FGFRL1: variants seen among roughly 807,000 people sequenced by gnomAD.
FGFRL1 encodes the protein fibroblast growth factor receptor-like 1.
Under a neutral mutation model 36.8 loss-of-function variants are expected in FGFRL1, and 24 were observed. That is an observed-to-expected ratio of 0.65 (90% CI 0.47 to 0.92). The LOEUF (loss-of-function observed/expected upper bound fraction) is 0.92. Ranked by LOEUF, FGFRL1 falls within the 40% of genes least tolerant of loss-of-function variation. The probability of loss-of-function intolerance (pLI) is 0.00; values close to 1 mark genes in which losing one functional copy is unlikely to be tolerated. For synonymous variants in FGFRL1, 422 were observed against 344.1 expected, an observed-to-expected ratio of 1.23 and a Z score of -2.50; for missense variants, 785 against 753.4, an observed-to-expected ratio of 1.04 and a Z score of -0.49.
At chr4:1,017,321 G>A (rs1715941994) in intron 2 of FGFRL1, among the ~76,000 whole-genome samples, 1 of 152,168 alleles carries the variant, frequency 6.6e-6, no homozygotes, top group Non-Finnish European at 1.5e-5. Context: ...CCTCCATGCG[G>A]GAACTTGGGT....
At chr4:1,018,735 G>C (rs957885434) in intron 2 of FGFRL1, among the ~76,000 whole-genome samples, 4 of 152,204 alleles carry the variant, frequency 2.6e-5, no homozygotes, top group Admixed American at 6.5e-5. Flanking sequence ...TTCCCCATAG[G>C]CTGCGTGGGT....
At chr4:1,020,697 T>A (rs1316980666) in intron 2 of FGFRL1, among the ~76,000 whole-genome samples, 5 of 5,592 alleles carry the variant, frequency 8.9e-4, no homozygotes, top group Non-Finnish European at 1.0e-3. Flanking sequence ...AATGGGGCGA[T>A]GGGGCGGGGT....
intron 1 of FGFRL1, 74 bp from the exon 2 acceptor site, chr4:1,012,396 C>T: frequency 6.5e-7 from 1 of 1,540,022 alleles, no homozygotes; most frequent in Non-Finnish European, 8.7e-7. Flanking sequence ...ACCCCTGATC[C>T]CCGCGGCCCG....
Position 1,024,465 on chromosome 4 carries a change from C to T in FGFRL1, c.873C>T (p.Arg291=), listed in dbSNP as rs767391975. The change falls in exon 6 of 7, where the codon CGC becomes CGT. Residue 291 remains arginine, a synonymous_variant. Coordinates refer to ENST00000510644, the MANE Select transcript of FGFRL1 (RefSeq NM_001004356.3). ...GCGTGGAGTACGGCGCCGAGGGCCGCCACAACTCCACCATCGATGTGGGCG... is the reference window on the plus strand; with the variant it reads ...GCGTGGAGTACGGCGCCGAGGGCCGTCACAACTCCACCATCGATGTGGGCG... The part of the protein sequence containing the change: ...LKRVEYGAEG[R]HNSTIDVGGQ... 1.2e-5 allele frequency: 19 copies of T among 1,612,412 alleles called. No individual in the cohort carries two copies. The highest frequency in any genetic ancestry group is 1.6e-5 in the Non-Finnish European group (19 of 1,179,848).
At chr4:1,020,670 T>C (rs1425928747) in intron 2 of FGFRL1, among the ~76,000 whole-genome samples, 5 of 33,074 alleles carry the variant, frequency 1.5e-4, no homozygotes, top group African/African-American at 1.3e-4. Context: ...GGGGATGGGG[T>C]GGGGACCCAG....
chr4:1,022,875 G>A (rs1716274741), intron 3 of FGFRL1, among the ~76,000 whole-genome samples: 1 of 152,224 alleles, frequency 6.6e-6, no homozygotes, highest in Non-Finnish European at 1.5e-5. Context: ...TTCTGCGCCT[G>A]GGGCCCGGGC....
rs140852364 is a variant in FGFRL1, at chr4:1,023,884, C to T, written c.501C>T (p.Ser167=). The T allele has an allele frequency of 2.2e-3, 3,443 of 1,581,720 alleles. 69 individuals carry two copies. In the African/African-American group the frequency reaches 0.036, roughly 17 times the overall value. ...TGATCGCACGGCCCGTGGGTAGCTC[C>T]GTGCGGCTCAAGTGCGTGGCCAGCG... ...RRVIARPVGS[S]VRLKCVASGH... Residue 167 remains serine, a synonymous_variant, in exon 5 of 7, where the codon TCC becomes TCT. Coordinates refer to ENST00000510644, the MANE Select transcript of FGFRL1 (RefSeq NM_001004356.3). The surrounding 1 kb of genome is among the most constrained non-coding windows in gnomAD (Gnocchi z 6.0).
At chr4:1,012,261 G>A in intron 1 of FGFRL1, 1 of 508,222 alleles carries the variant, frequency 2.0e-6, no homozygotes, top group Non-Finnish European at 3.4e-6. Flanking sequence ...GGAGAGGGGG[G>A]GCGGCGGGGG....
At chr4:1,010,600 A>T (rs777982497), upstream of FGFRL1, among the ~76,000 whole-genome samples, 1 of 151,864 alleles carries the variant, frequency 6.6e-6, no homozygotes, top group Non-Finnish European at 1.5e-5. Flanking sequence ...GGGATGGAGG[A>T]GGTGCTGGGA....
rs371631827 is a variant in FGFRL1 at position 1,022,421 on chromosome 4, A to G, written c.298A>G (p.Lys100Glu). 8.1e-6 allele frequency: 13 copies of G among 1,611,258 alleles called. No individual in the cohort carries two copies. The African/African-American group carries it at 1.7e-4, about 22-fold the overall frequency. ...EREDAGVYVCKATNGFGSLSV... is the reference protein window; with the variant it reads ...EREDAGVYVCEATNGFGSLSV... ...GGAGGATGCCGGCGTGTACGTGTGC[A>G]AGGCCACCAACGGCTTCGGCAGCCT... The change falls in exon 3 of 7, where the codon AAG (lysine) becomes GAG (glutamate). Residue 100 changes from lysine to glutamate, a missense_variant. Physicochemically the swap from Lys to Glu is moderately conservative, Grantham distance 56. Coordinates refer to ENST00000510644, the MANE Select transcript of FGFRL1 (RefSeq NM_001004356.3).
Position 1,024,159 on chromosome 4 carries a change from G to A in FGFRL1, c.718+58G>A, listed in dbSNP as rs1716364185. On this transcript the variant is annotated intron_variant, in intron 5 of 6. Transcript: ENST00000510644. The stretch of plus-strand genomic sequence containing the variant: ...GGTGCTGGTGGGCGGGGGCGCTGGC[G>A]GGCGGGGGTGCTGGTGGGCGGGGGC... 28 of 1,196,974 alleles carry A rather than the reference G, an allele frequency of 2.3e-5. No individual in the cohort carries two copies. The South Asian group carries it at 3.5e-4, about 15-fold the overall frequency. 74.1% of individuals were successfully genotyped at this position (1,196,974 alleles called of 1,614,324 possible).
rs752283163 is a variant in FGFRL1, at chr4:1,025,110, C to T, written c.1278C>T (p.Arg426=). ...GCCCGCCGGGGACGGCCCGCGACCG[C>T]AGCGGAGACAAGGACCTTCCCTCGT... is the stretch of plus-strand genomic sequence containing the variant. ...GHRPPGTARD[R]SGDKDLPSLA... is the part of the protein sequence containing the mutation. The change falls in exon 7 of 7, where the codon CGC becomes CGT. Residue 426 remains arginine (R), a synonymous_variant. Coordinates refer to ENST00000510644, the MANE Select transcript of FGFRL1 (RefSeq NM_001004356.3). 9 of 1,611,246 alleles carry T rather than the reference C, an allele frequency of 5.6e-6. No homozygotes were observed. Among genetic ancestry groups the T allele is most frequent in the Middle Eastern group, 1.6e-4 (1 of 6,072 alleles).
At chr4:1,014,802 GGGCCAGCC>G (rs1715799634) in intron 2 of FGFRL1, among the ~76,000 whole-genome samples, 1 of 152,174 alleles carries the variant, frequency 6.6e-6, no homozygotes, top group Non-Finnish European at 1.5e-5. Flanking sequence ...GTGGGGAATC[GGGCCAGCC>G]GCCCCGTTTC....
At chr4:1,011,422 AC>A (rs1402980655), upstream of FGFRL1, 1 of 126,380 alleles carries the variant, frequency 7.9e-6, no homozygotes, top group African/African-American at 3.0e-5. Context: ...GCGGGGCCGG[AC>A]CCGGGGAAGC....
chr4:1,010,363 C>T (rs1426932356), upstream of FGFRL1, among the ~76,000 whole-genome samples: 1 of 152,250 alleles, frequency 6.6e-6, no homozygotes, highest in Non-Finnish European at 1.5e-5. Flanking sequence ...CTGGCCCAGA[C>T]GCGGGATTTG....
intron 2 of FGFRL1, among the ~76,000 whole-genome samples, chr4:1,013,633 C>T (rs1453657911): frequency 6.6e-6 from 1 of 152,266 alleles, no homozygotes; most frequent in East Asian, 1.9e-4. Flanking sequence ...ACTGGGCGAG[C>T]CCCTACCATG....
rs200350712 is a variant in FGFRL1 at position 1,022,462 on chromosome 4, C to T, written c.339C>T (p.Thr113=). 2 of 1,602,600 alleles carry T rather than the reference C, an allele frequency of 1.2e-6. No homozygotes were observed. The highest frequency in any genetic ancestry group is 1.3e-5 in the African/African-American group (1 of 74,932). The change falls in exon 3 of 7, where the codon ACC becomes ACT. Residue 113 remains threonine, a synonymous_variant. Transcript: ENST00000510644. ...TCGGCAGCCTGAGCGTCAACTACACCCTCGTCGTGCTGGGTTAGTCGCTGC... is the reference window on the plus strand; with the variant it reads ...TCGGCAGCCTGAGCGTCAACTACACTCTCGTCGTGCTGGGTTAGTCGCTGC... ...NGFGSLSVNY[T]LVVLDDISPG...
chr4:1,017,963 A>C (rs1018674195), intron 2 of FGFRL1, among the ~76,000 whole-genome samples: 1 of 152,162 alleles, frequency 6.6e-6, no homozygotes, highest in African/African-American at 2.4e-5. Flanking sequence ...CGAGCACGGG[A>C]GAGGGGCTTG....
chr4:1,012,394 TC>T, intron 1 of FGFRL1, 75 bp from the exon 2 acceptor site: 1 of 1,534,918 alleles, frequency 6.5e-7, no homozygotes, highest in Non-Finnish European at 8.7e-7. Flanking sequence ...AGACCCCTGA[TC>T]CCCGCGGCCC....
Sources: allele counts gnomAD v4.1 joint callset (sites outside exome capture counted in the v4.1 genomes callset), GRCh38; gene constraint gnomAD v4.1.1; non-coding constraint Gnocchi (gnomAD v3.1); transcripts MANE v1.5; gene names NCBI Gene and HGNC (gene_info 2026-07-23, HGNC 2026-07-21).